The following PPP4R2 variants were observed in gnomAD, a reference collection of about 807,000 sequenced individuals.
PPP4R2 encodes protein phosphatase 4 regulatory subunit 2.
In PPP4R2, 13 loss-of-function variants were observed where a neutral mutation model predicts 47.2. The observed-to-expected ratio is 0.28, with a 90% CI of 0.18 to 0.44. PPP4R2 has a LOEUF of 0.44. Among genes scored for constraint, PPP4R2 ranks in the 20% least tolerant of loss-of-function variants. PPP4R2 has a pLI of 1.00. For missense variants in PPP4R2, 421 were observed against 491.2 expected, an observed-to-expected ratio of 0.86 and a Z score of 1.35; for synonymous variants, 151 against 163.3, an observed-to-expected ratio of 0.92 and a Z score of 0.57.
At chr3:73,062,167 TTAGACCTA>T in intron 5 of PPP4R2, 1 of 1,552,360 alleles carries the variant, frequency 6.4e-7, no homozygotes, top group Non-Finnish European at 8.7e-7. Flanking sequence ...AAAAGATCTT[TTAGACCTA>T]TGATTCTTAA....
intron 2 of PPP4R2, among the ~76,000 whole-genome samples, chr3:73,029,866 AC>A (rs1702136530): frequency 6.6e-6 from 1 of 152,238 alleles, no homozygotes; most frequent in East Asian, 1.9e-4. Context: ...GGAGTGATCA[AC>A]TGTAAAATAT....
intron 2 of PPP4R2, among the ~76,000 whole-genome samples, chr3:73,000,774 C>G (rs1395538219): frequency 1.3e-5 from 2 of 152,168 alleles, no homozygotes; most frequent in Admixed American, 6.5e-5. Context: ...AAAGAATACA[C>G]TCTTCTGAAG....
chr3:73,053,989 C>G (rs1041118926), intron 3 of PPP4R2, among the ~76,000 whole-genome samples: 1 of 150,782 alleles, frequency 6.6e-6, no homozygotes, highest in African/African-American at 2.4e-5. Flanking sequence ...TTGGTGGGGA[C>G]AGAGTGTTGC....
intron 2 of PPP4R2, among the ~76,000 whole-genome samples, chr3:73,026,485 A>G (rs760887729): frequency 1.7e-5 from 2 of 115,428 alleles, no homozygotes; most frequent in African/African-American, 3.6e-5. Context: ...TTGCCGTGCC[A>G]TTATTTTTTG....
At position 72,996,861 on chromosome 3, in the gene PPP4R2, T is replaced by G; in HGVS notation, c.-177T>G. ...TAGCGGCTTGGGGAGGTGCTCGCTC[T>G]GTCGGTCTTGCTCTCTCGCACGCTT... On this transcript the variant is annotated 5_prime_UTR_variant, in exon 1 of 9. Coordinates refer to ENST00000356692, the MANE Select transcript of PPP4R2 (RefSeq NM_174907.4). The G allele has an allele frequency of 2.4e-6, 1 of 411,666 alleles. No individual in the cohort carries two copies. The allele number at this position is 411,666 out of a possible 1,614,324, so 25.5% of individuals were successfully genotyped here. A position where few individuals can be genotyped will look rare whatever the true frequency, so the allele number is the denominator to read the frequency against.
In PPP4R2 at chr3:73,067,531, G is replaced by A. The variant is rs1703025436; in HGVS notation, c.*1809G>A. On this transcript the variant is annotated 3_prime_UTR_variant, in exon 9 of 9. Coordinates refer to ENST00000356692, the MANE Select transcript of PPP4R2 (RefSeq NM_174907.4). ...AATATTGATTTACTATACCCAAGAG[G>A]GGAGAAAAATTAACCATTGTAAATT... 5 of 151,792 alleles carry A rather than the reference G, an allele frequency of 3.3e-5. No homozygotes were observed. Among genetic ancestry groups the A allele is most frequent in the Admixed American group, 3.3e-4 (5 of 15,250 alleles). 9.4% of individuals were successfully genotyped at this position (151,792 alleles called of 1,614,324 possible).
At chr3:73,056,480 G>C (rs1269719099) in intron 3 of PPP4R2, among the ~76,000 whole-genome samples, 1 of 152,158 alleles carries the variant, frequency 6.6e-6, no homozygotes, top group African/African-American at 2.4e-5. Context: ...AATATTTCCA[G>C]TGGATCCATT....
intron 2 of PPP4R2, among the ~76,000 whole-genome samples, chr3:73,045,509 T>C (rs903027488): frequency 6.7e-6 from 1 of 149,872 alleles, no homozygotes; most frequent in African/African-American, 2.5e-5. Context: ...TGAGAAAATG[T>C]CTACCACATT....
intron 2 of PPP4R2, among the ~76,000 whole-genome samples, chr3:73,024,199 T>C (rs1702014267): frequency 6.6e-6 from 1 of 152,112 alleles, no homozygotes; most frequent in African/African-American, 2.4e-5. Flanking sequence ...TGCAGGAACA[T>C]TTATATATTT....
intron 3 of PPP4R2, among the ~76,000 whole-genome samples, chr3:73,047,662 T>G (rs1702512005): frequency 6.6e-6 from 1 of 152,242 alleles, no homozygotes; most frequent in Admixed American, 6.5e-5. Flanking sequence ...ATAGAACCTT[T>G]ATATCATTGA....
intron 2 of PPP4R2, among the ~76,000 whole-genome samples, chr3:73,046,097 C>T (rs1384199356): frequency 6.6e-6 from 1 of 152,154 alleles, no homozygotes; most frequent in East Asian, 1.9e-4. Context: ...TGTGAAAATT[C>T]TGGCTTCTGC....
intron 2 of PPP4R2, among the ~76,000 whole-genome samples, chr3:73,001,681 C>T (rs905638496): frequency 6.6e-6 from 1 of 152,014 alleles, no homozygotes; most frequent in African/African-American, 2.4e-5. Flanking sequence ...CGCCCTATGC[C>T]ACACTGGATC....
rs138048910 is a variant in PPP4R2 at position 73,044,337 on chromosome 3, C to T, written c.117-2849C>T. ...TTTCTTGGCTGGGGGCAGTGGCTCA[C>T]GCACTTTGGGAGGCTGAGGTGGGCT... On this transcript the variant is annotated intron_variant, in intron 2 of 8. Coordinates refer to ENST00000356692, the MANE Select transcript of PPP4R2 (RefSeq NM_174907.4). Among the ~76,000 whole-genome samples, 841 of 152,076 alleles carry T rather than the reference C, an allele frequency of 5.5e-3. 4 individuals carry two copies. Among genetic ancestry groups the T allele is most frequent in the African/African-American group, 0.019 (807 of 41,494 alleles).
intron 2 of PPP4R2, among the ~76,000 whole-genome samples, chr3:73,028,845 C>G (rs113670772): frequency 1.4e-4 from 22 of 151,726 alleles, no homozygotes; most frequent in Non-Finnish European, 4.4e-5. Flanking sequence ...GTAGACTGAT[C>G]AAGGAGAGGA....
intron 2 of PPP4R2, among the ~76,000 whole-genome samples, chr3:72,999,155 GTA>G (rs1701410391): frequency 6.6e-6 from 1 of 152,094 alleles, no homozygotes; most frequent in Non-Finnish European, 1.5e-5. Flanking sequence ...AGTCTCCTTA[GTA>G]TTCTATTAAA....
Position 73,012,424 on chromosome 3 carries a change from C to G in PPP4R2, c.116+14266C>G, listed in dbSNP as rs533156878. On this transcript the variant is annotated intron_variant, in intron 2 of 8. Coordinates refer to ENST00000356692, the MANE Select transcript of PPP4R2 (RefSeq NM_174907.4). ...ACGCCATTCTCCTGCCTCAGCCTCCCGCTTAGCTGGGACTACGAGCGCCTG... is the reference window on the plus strand; with the variant it reads ...ACGCCATTCTCCTGCCTCAGCCTCCGGCTTAGCTGGGACTACGAGCGCCTG... Among the ~76,000 whole-genome samples the G allele has an allele frequency of 2.6e-5, 4 of 152,238 alleles. No individual in the cohort carries two copies. The South Asian group carries it at 8.3e-4, about 32-fold the overall frequency.
chr3:73,020,468 G>T (rs950196139), intron 2 of PPP4R2, among the ~76,000 whole-genome samples: 1 of 152,092 alleles, frequency 6.6e-6, no homozygotes, highest in African/African-American at 2.4e-5. Context: ...TTTGAGACCA[G>T]CCTGGGTAAC....
intron 2 of PPP4R2, among the ~76,000 whole-genome samples, chr3:73,046,922 A>T (rs534563039): frequency 6.6e-6 from 1 of 150,744 alleles, no homozygotes; most frequent in Admixed American, 6.6e-5. Context: ...AACACACCAT[A>T]GACTTTCAGG....
At chr3:73,062,124 A>G (rs781163234) in intron 5 of PPP4R2, 3 of 1,549,156 alleles carry the variant, frequency 1.9e-6, no homozygotes, top group Non-Finnish European at 2.6e-6. Context: ...TAATTCTCAC[A>G]GTCTTTTTGT....
Sources: allele counts gnomAD v4.1 joint callset (sites outside exome capture counted in the v4.1 genomes callset), GRCh38; gene constraint gnomAD v4.1.1; transcripts MANE v1.5; gene names NCBI Gene and HGNC (gene_info 2026-07-23, HGNC 2026-07-21).